Variants in CCR1 observed in about 807,000 individuals in gnomAD.
CCR1 encodes the protein C-C motif chemokine receptor 1.
Under a neutral mutation model 0.3 loss-of-function variants are expected in CCR1, and 1 was observed. That is an observed-to-expected ratio of 3.70 (90% CI 1.31 to 17.54). The LOEUF is 17.54. Among genes scored for constraint, CCR1 ranks in the 30% most tolerant of loss-of-function variants. The pLI, the probability that CCR1 is intolerant of heterozygous loss-of-function variation, is 0.11. For missense variants in CCR1, 349 were observed against 435.4 expected, an observed-to-expected ratio of 0.80 and a Z score of 1.77; for synonymous variants, 207 against 182.5, an observed-to-expected ratio of 1.13 and a Z score of -1.08.
chr3:46,203,432 G>A lies in CCR1; in HGVS notation c.882C>T (p.Cys294=). Reference sequence around the variant, plus strand: ...AGGCGTAGATCACTGGGTTGACACAGCAGTGCGTGTAGGCGATCACCTCCG... The same window carrying A: ...AGGCGTAGATCACTGGGTTGACACAACAGTGCGTGTAGGCGATCACCTCCG... ...QVTEVIAYTH[C]CVNPVIYAFV... is the part of the protein sequence containing the mutation. The change falls in exon 2 of 2, where the codon TGC becomes TGT. Residue 294 remains cysteine, a synonymous_variant. Coordinates refer to ENST00000296140, the MANE Select transcript of CCR1 (RefSeq NM_001295.3). This position sits in a 1 kb window ranked among gnomAD's most constrained non-coding sequence, Gnocchi z 4.5. The A allele has an allele frequency of 6.2e-7, 1 of 1,614,200 alleles. No homozygotes were observed. The highest frequency in any genetic ancestry group is 8.5e-7 in the Non-Finnish European group (1 of 1,180,050).
rs200625474 is a variant in CCR1, at chr3:46,203,810, G to C, written c.504C>G (p.Gly168=). ...CCCATTGGGTCTTGGAAAAGTATAAGCCTGGCATGGAAGCCAAGATGGCCA... is the reference window on the plus strand; with the variant it reads ...CCCATTGGGTCTTGGAAAAGTATAACCCTGGCATGGAAGCCAAGATGGCCA... The part of the protein sequence containing the change: ...WALAILASMP[G]LYFSKTQWEF... Residue 168 remains glycine (G), a synonymous_variant, in exon 2 of 2, where the codon GGC becomes GGG. Transcript: ENST00000296140. This position sits in a 1 kb window ranked among gnomAD's most constrained non-coding sequence, Gnocchi z 4.5. The C allele has an allele frequency of 6.2e-7, 1 of 1,614,210 alleles. No individual in the cohort carries two copies. Among genetic ancestry groups the C allele is most frequent in the Non-Finnish European group, 8.5e-7 (1 of 1,180,044 alleles).
Position 46,203,793 on chromosome 3 carries a change from G to C in CCR1, c.521C>G (p.Thr174Ser). 6.2e-7 allele frequency: 1 copy of C among 1,614,198 alleles called. No homozygotes were observed. Among genetic ancestry groups the C allele is most frequent in the Non-Finnish European group, 8.5e-7 (1 of 1,180,038 alleles). ...GGTGTGGTGAGTGAATTCCCATTGGGTCTTGGAAAAGTATAAGCCTGGCAT... is the reference window on the plus strand; with the variant it reads ...GGTGTGGTGAGTGAATTCCCATTGGCTCTTGGAAAAGTATAAGCCTGGCAT... ...ASMPGLYFSK[T>S]QWEFTHHTCS... Residue 174 changes from threonine (T) to serine (S), a missense_variant, in exon 2 of 2, where the codon ACC (threonine) becomes AGC (serine). Physicochemically the swap from Thr to Ser is moderately conservative, Grantham distance 58. Transcript: ENST00000296140. This position sits in a 1 kb window ranked among gnomAD's most constrained non-coding sequence, Gnocchi z 4.5.
chr3:46,203,272 C>G lies in CCR1; in HGVS notation c.1042G>C (p.Glu348Gln), dbSNP rs770540609. ...RVSSTSPSTG[E>Q]HELSAGF is the part of the protein sequence containing the mutation. ...CAGAACCCAGCAGAGAGTTCATGCT[C>G]CCCTGTGGAGGGAGATGTGGAGCTG... Residue 348 changes from glutamate to glutamine, a missense_variant, in exon 2 of 2, where the codon GAG (glutamate) becomes CAG (glutamine). Physicochemically the swap from Glu to Gln is conservative, Grantham distance 29. Transcript: ENST00000296140. The surrounding 1 kb of genome is among the most constrained non-coding windows in gnomAD (Gnocchi z 4.5). 5.0e-6 allele frequency: 8 copies of G among 1,613,798 alleles called. No individual in the cohort carries two copies. In the African/African-American group the frequency reaches 6.7e-5, roughly 13 times the overall value.
intron 1 of CCR1, among the ~76,000 whole-genome samples, chr3:46,207,738 G>A (rs1046257099): frequency 4.6e-5 from 7 of 151,236 alleles, no homozygotes; most frequent in East Asian, 2.0e-4. Flanking sequence ...TCCACCTCCC[G>A]GATTCGAGTG....
chr3:46,203,446 C>T lies in CCR1; in HGVS notation c.868G>A (p.Ala290Thr), dbSNP rs143491674. The change falls in exon 2 of 2, where the codon GCC becomes ACC. Residue 290 changes from alanine (A) to threonine (T), a missense_variant. Transcript: ENST00000296140. This position sits in a 1 kb window ranked among gnomAD's most constrained non-coding sequence, Gnocchi z 4.5. Reference sequence around the variant, plus strand: ...GGGTTGACACAGCAGTGCGTGTAGGCGATCACCTCCGTCACTTGCACAGCC... The same window carrying T: ...GGGTTGACACAGCAGTGCGTGTAGGTGATCACCTCCGTCACTTGCACAGCC... ...DLAVQVTEVI[A>T]YTHCCVNPVI... The T allele has an allele frequency of 4.6e-4, 740 of 1,614,110 alleles. 1 individual carries two copies. The highest frequency in any genetic ancestry group is 2.3e-3 in the African/African-American group (175 of 75,020).
At chr3:46,207,582 C>G (rs945494850) in intron 1 of CCR1, among the ~76,000 whole-genome samples, 1 of 152,134 alleles carries the variant, frequency 6.6e-6, no homozygotes, top group Non-Finnish European at 1.5e-5. Context: ...CTAATATTTC[C>G]CTCTTGCTAT....
At chr3:46,206,003 A>G (rs1484199328) in intron 1 of CCR1, among the ~76,000 whole-genome samples, 2 of 152,176 alleles carry the variant, frequency 1.3e-5, no homozygotes. Flanking sequence ...ATTTTTCTTG[A>G]TAACGGTGGA....
chr3:46,203,116 C>G lies in CCR1; in HGVS notation c.*130G>C. 7.8e-6 allele frequency: 5 copies of G among 638,656 alleles called. No homozygotes were observed. The highest frequency in any genetic ancestry group is 5.5e-5 in the East Asian group (2 of 36,428). 39.6% of individuals were successfully genotyped at this position (638,656 alleles called of 1,614,324 possible). A position where few individuals can be genotyped will look rare whatever the true frequency, so the allele number is the denominator to read the frequency against. On this transcript the variant is annotated 3_prime_UTR_variant, in exon 2 of 2. Transcript: ENST00000296140. This position sits in a 1 kb window ranked among gnomAD's most constrained non-coding sequence, Gnocchi z 4.5. ...GCCCCAGGCCACCATTACATTCCCTCTCTATCCCAAGTGGCTGTGACTCCA... is the reference window on the plus strand; with the variant it reads ...GCCCCAGGCCACCATTACATTCCCTGTCTATCCCAAGTGGCTGTGACTCCA...
rs1699655481 is a variant in CCR1 at position 46,207,149 on chromosome 3, A to G, written c.-12+1133T>C. 4.6e-5 allele frequency among the ~76,000 whole-genome samples: 7 copies of G among 152,188 alleles called. No homozygotes were observed. In the South Asian group the frequency reaches 1.4e-3, roughly 31 times the overall value. ...TTTCTTCAGAAGAGTCAGTTGTTGA[A>G]CATTTACCAGCACATCACTGCCCAG... On this transcript the variant is annotated intron_variant, in intron 1 of 1. Coordinates refer to ENST00000296140, the MANE Select transcript of CCR1 (RefSeq NM_001295.3).
intron 1 of CCR1, 125 bp from the exon 2 acceptor site, chr3:46,204,449 CT>C: frequency 1.6e-6 from 1 of 614,998 alleles, no homozygotes; most frequent in South Asian, 2.3e-5. Flanking sequence ...TATTGAGTGC[CT>C]TCTGTGTACC....
Position 46,203,393 on chromosome 3 carries a change from C to T in CCR1, c.921G>A (p.Arg307=). ...NPVIYAFVGE[R]FRKYLRQLFH... ...ACAACTGCCGCAGGTACTTCCGGAA[C>T]CTCTCACCAACGAAGGCGTAGATCA... is the stretch of plus-strand genomic sequence containing the variant. Residue 307 remains arginine, a synonymous_variant, in exon 2 of 2, where the codon AGG becomes AGA. Coordinates refer to ENST00000296140, the MANE Select transcript of CCR1 (RefSeq NM_001295.3). This position sits in a 1 kb window ranked among gnomAD's most constrained non-coding sequence, Gnocchi z 4.5. 6.2e-6 allele frequency: 10 copies of T among 1,614,180 alleles called. No individual in the cohort carries two copies. Among genetic ancestry groups the T allele is most frequent in the Non-Finnish European group, 8.5e-6 (10 of 1,180,038 alleles).
chr3:46,201,780 CAGTG>C lies in CCR1; in HGVS notation c.*1462_*1465del, dbSNP rs2125920092. On this transcript the variant is annotated 3_prime_UTR_variant, in exon 2 of 2. Coordinates refer to ENST00000296140, the MANE Select transcript of CCR1 (RefSeq NM_001295.3). ...CTGCTAATTAAAACCAACAATAGAA[CAGTG>C]AGTACAATTGAAGTCCATCATTGTT... The C allele has an allele frequency of 6.6e-6, 1 of 152,254 alleles. No individual in the cohort carries two copies. The highest frequency in any genetic ancestry group is 1.9e-4 in the East Asian group (1 of 5,180). 9.4% of individuals were successfully genotyped at this position (152,254 alleles called of 1,614,324 possible).
rs1478459297 is a variant in CCR1, at chr3:46,203,327, G to A, written c.987C>T (p.Pro329=). The change falls in exon 2 of 2, where the codon CCC becomes CCT. Residue 329 remains proline, a synonymous_variant. Coordinates refer to ENST00000296140, the MANE Select transcript of CCR1 (RefSeq NM_001295.3). The surrounding 1 kb of genome is among the most constrained non-coding windows in gnomAD (Gnocchi z 4.5). ...TCTCCAGCCTGTCCACGGAGAGGAA[G>A]GGGAGCCATTTAACCAGGTGCACAG... is the stretch of plus-strand genomic sequence containing the variant. ...RVAVHLVKWL[P]FLSVDRLERV... The A allele has an allele frequency of 1.9e-6, 3 of 1,614,076 alleles. No individual in the cohort carries two copies. The highest frequency in any genetic ancestry group is 2.5e-6 in the Non-Finnish European group (3 of 1,180,032).
intron 1 of CCR1, among the ~76,000 whole-genome samples, chr3:46,205,800 C>A (rs1409660195): frequency 6.6e-6 from 1 of 152,112 alleles, no homozygotes; most frequent in East Asian, 1.9e-4. Flanking sequence ...TATTGAGGGC[C>A]TGGCAAGAGC....
intron 1 of CCR1, among the ~76,000 whole-genome samples, chr3:46,206,907 C>A (rs1216231434): frequency 6.6e-6 from 1 of 152,172 alleles, no homozygotes; most frequent in Non-Finnish European, 1.5e-5. Context: ...TGTCCTCCAG[C>A]CTGGGAGTTG....
Position 46,203,544 on chromosome 3 carries a change from A to G in CCR1, c.770T>C (p.Leu257Ser). The change falls in exon 2 of 2, where the codon TTG becomes TCG. Residue 257 changes from leucine (L) to serine (S), a missense_variant. Physicochemically the swap from Leu to Ser is moderately radical, Grantham distance 145. Transcript: ENST00000296140. This position sits in a 1 kb window ranked among gnomAD's most constrained non-coding sequence, Gnocchi z 4.5. ...IFFLFWTPYN[L>S]TILISVFQDF... ...TTGGAAAACAGAAATAAGTATAGTCAAATTGTAGGGGGTCCAAAAGAGAAA... is the reference window on the plus strand; with the variant it reads ...TTGGAAAACAGAAATAAGTATAGTCGAATTGTAGGGGGTCCAAAAGAGAAA... 6.2e-7 allele frequency: 1 copy of G among 1,614,160 alleles called. No homozygotes were observed. Among genetic ancestry groups the G allele is most frequent in the Non-Finnish European group, 8.5e-7 (1 of 1,180,006 alleles).
intron 1 of CCR1, among the ~76,000 whole-genome samples, chr3:46,205,896 A>T (rs1699643748): frequency 6.6e-6 from 1 of 152,084 alleles, no homozygotes; most frequent in Non-Finnish European, 1.5e-5. Context: ...CACCACCAGC[A>T]CATCCCAGGC....
In CCR1 at chr3:46,203,581, T is replaced by C. The variant is rs983029021; in HGVS notation, c.733A>G (p.Met245Val). 6.2e-7 allele frequency: 1 copy of C among 1,614,078 alleles called. No individual in the cohort carries two copies. Among genetic ancestry groups the C allele is most frequent in the Non-Finnish European group, 8.5e-7 (1 of 1,179,968 alleles). ...GTCCAAAAGAGAAAAAAGATGATCA[T>C]GATGACAAAAATCAAACGGACAGCT... is the stretch of plus-strand genomic sequence containing the variant. The part of the protein sequence containing the change: ...SKAVRLIFVI[M>V]IIFFLFWTPY... The change falls in exon 2 of 2, where the codon ATG becomes GTG. Residue 245 changes from methionine to valine, a missense_variant. Met to Val is a conservative substitution (Grantham distance 21). Transcript: ENST00000296140. This position sits in a 1 kb window ranked among gnomAD's most constrained non-coding sequence, Gnocchi z 4.5.
intron 1 of CCR1, among the ~76,000 whole-genome samples, chr3:46,206,581 T>C (rs1699650708): frequency 6.6e-6 from 1 of 152,140 alleles, no homozygotes; most frequent in Non-Finnish European, 1.5e-5. Context: ...ATGAGTCCAG[T>C]TTCTGGGAAG....
Sources: gnomAD v4.1 joint callset for allele counts (sites outside exome capture counted in the v4.1 genomes callset) on GRCh38, gnomAD v4.1.1 for gene constraint, Gnocchi (gnomAD v3.1) non-coding constraint, MANE v1.5 for transcripts, NCBI Gene and HGNC (gene_info 2026-07-23, HGNC 2026-07-21) for gene names.